Variants in TAFA4 observed in about 807,000 individuals in gnomAD.
TAFA4 encodes chemokine-like protein TAFA-4.
A neutral mutation model predicts 21.1 loss-of-function variants in TAFA4; 20 were observed. That is an observed-to-expected ratio of 0.95 (90% confidence interval 0.67 to 1.38). The LOEUF (loss-of-function observed/expected upper bound fraction) is 1.38. TAFA4 is among the 40% of genes most tolerant of loss of function. The pLI is 0.00. For synonymous variants in TAFA4, 71 were observed against 67.4 expected, an observed-to-expected ratio of 1.05 and a Z score of -0.26; for missense variants, 211 against 180.9, an observed-to-expected ratio of 1.17 and a Z score of -0.95.
chr3:68,740,896 A>G (rs993448507), intron 4 of TAFA4, among the ~76,000 whole-genome samples: 10 of 152,162 alleles, frequency 6.6e-5, no homozygotes, highest in African/African-American at 2.4e-4. Flanking sequence ...CCTTTATTGA[A>G]GAGACTATCC....
chr3:68,837,698 C>T (rs1476456308), intron 3 of TAFA4, among the ~76,000 whole-genome samples: 6 of 152,090 alleles, frequency 3.9e-5, no homozygotes, highest in African/African-American at 1.4e-4. Flanking sequence ...TTAAAAAGTA[C>T]ACTTATATAT....
chr3:68,808,161 A>C (rs1308334542), intron 3 of TAFA4, among the ~76,000 whole-genome samples: 1 of 152,202 alleles, frequency 6.6e-6, no homozygotes, highest in Non-Finnish European at 1.5e-5. Context: ...TTAAGTTACT[A>C]GTCAGAGTAG....
intron 3 of TAFA4, among the ~76,000 whole-genome samples, chr3:68,832,502 C>T (rs528953611): frequency 6.6e-6 from 1 of 152,288 alleles, no homozygotes; most frequent in African/African-American, 2.4e-5. Flanking sequence ...GCCTGGGTAT[C>T]ACCAGCAGAG....
chr3:68,863,486 G>A (rs934683794), intron 3 of TAFA4, among the ~76,000 whole-genome samples: 2 of 152,094 alleles, frequency 1.3e-5, no homozygotes, highest in African/African-American at 4.8e-5. Flanking sequence ...TCCCAAGATG[G>A]ACATGAGGAC....
At chr3:68,799,241 T>C (rs960706824) in intron 3 of TAFA4, among the ~76,000 whole-genome samples, 2 of 152,198 alleles carry the variant, frequency 1.3e-5, no homozygotes, top group African/African-American at 2.4e-5. Flanking sequence ...CAAACATTTA[T>C]TTCTTACAGT....
chr3:68,850,036 G>A (rs757978167), intron 3 of TAFA4, among the ~76,000 whole-genome samples: 3 of 152,164 alleles, frequency 2.0e-5, no homozygotes, highest in Non-Finnish European at 4.4e-5. Flanking sequence ...TGGCTTGCCA[G>A]TTGCCATTTA....
chr3:68,766,841 A>G (rs1702863370), intron 3 of TAFA4, among the ~76,000 whole-genome samples: 1 of 152,182 alleles, frequency 6.6e-6, no homozygotes, highest in South Asian at 2.1e-4. Flanking sequence ...AAATTGTGAG[A>G]GCTTTGAAAA....
chr3:68,855,611 A>T (rs527771652), intron 3 of TAFA4, among the ~76,000 whole-genome samples: 1 of 152,052 alleles, frequency 6.6e-6, no homozygotes, highest in African/African-American at 2.4e-5. Context: ...AGTAGGGGGG[A>T]AAAAAGTTGT....
intron 3 of TAFA4, among the ~76,000 whole-genome samples, chr3:68,858,927 T>C (rs937921861): frequency 6.6e-6 from 1 of 151,724 alleles, no homozygotes; most frequent in Non-Finnish European, 1.5e-5. Context: ...AAGGGGTCAA[T>C]GTAAATGACA....
At chr3:68,823,795 T>A (rs1575625825) in intron 3 of TAFA4, among the ~76,000 whole-genome samples, 1 of 152,254 alleles carries the variant, frequency 6.6e-6, no homozygotes, top group East Asian at 1.9e-4. Flanking sequence ...TTCCTTTTTA[T>A]GGCTGCATAG....
chr3:68,864,767 G>A (rs998159665), intron 3 of TAFA4, among the ~76,000 whole-genome samples: 5 of 152,098 alleles, frequency 3.3e-5, no homozygotes, highest in African/African-American at 1.2e-4. Context: ...AAGAAATGAG[G>A]TTGTGTGTCA....
intron 3 of TAFA4, among the ~76,000 whole-genome samples, chr3:68,835,345 G>C (rs1704498321): frequency 6.6e-6 from 1 of 152,100 alleles, no homozygotes; most frequent in Non-Finnish European, 1.5e-5. Context: ...CTATCACTAA[G>C]AGCTCCTTGA....
At chr3:68,737,401 A>G (rs1160090179) in intron 5 of TAFA4, among the ~76,000 whole-genome samples, 1 of 152,126 alleles carries the variant, frequency 6.6e-6, no homozygotes, top group Non-Finnish European at 1.5e-5. Flanking sequence ...CCACCAGTAA[A>G]TGACTCCATG....
intron 3 of TAFA4, among the ~76,000 whole-genome samples, chr3:68,780,629 TTG>T (rs1703137162): frequency 6.6e-6 from 1 of 152,220 alleles, no homozygotes; most frequent in African/African-American, 2.4e-5. Context: ...TCCACCATGA[TTG>T]TGAGGCTTCC....
At chr3:68,748,624 G>A (rs546736977) in intron 4 of TAFA4, among the ~76,000 whole-genome samples, 22 of 151,998 alleles carry the variant, frequency 1.4e-4, no homozygotes, top group Non-Finnish European at 2.6e-4. Context: ...CGCACCTGTA[G>A]TCCCAGCTAC....
intron 3 of TAFA4, among the ~76,000 whole-genome samples, chr3:68,791,366 G>A (rs748408506): frequency 9.9e-5 from 15 of 152,164 alleles, no homozygotes; most frequent in Admixed American, 2.0e-4. Flanking sequence ...CGAGATTGAA[G>A]TGCTCCAACT....
At chr3:68,911,836 C>T (rs561101505) in intron 1 of TAFA4, among the ~76,000 whole-genome samples, 1 of 152,166 alleles carries the variant, frequency 6.6e-6, no homozygotes, top group Admixed American at 6.5e-5. Context: ...TGCCAGGGCT[C>T]AAAGCTCTTA....
At chr3:68,774,762 C>G (rs1411259198) in intron 3 of TAFA4, among the ~76,000 whole-genome samples, 2 of 152,256 alleles carry the variant, frequency 1.3e-5, no homozygotes, top group South Asian at 4.2e-4. Flanking sequence ...TCTTTTCATT[C>G]TTTCATTTAG....
intron 1 of TAFA4, among the ~76,000 whole-genome samples, chr3:68,906,776 T>C (rs1016116061): frequency 5.3e-5 from 8 of 152,134 alleles, no homozygotes; most frequent in Non-Finnish European, 1.5e-5. Context: ...ACTCCTGTAA[T>C]CTCAGCACTT....
Sources: allele counts gnomAD v4.1 joint callset (sites outside exome capture counted in the v4.1 genomes callset), GRCh38; gene constraint gnomAD v4.1.1; transcripts MANE v1.5; gene names NCBI Gene and HGNC (gene_info 2026-07-23, HGNC 2026-07-21).